ASAP1: variants seen among roughly 807,000 people sequenced by gnomAD.
The protein encoded by ASAP1 is arf-GAP with SH3 domain, ANK repeat and PH domain-containing protein 1.
In ASAP1, 43 loss-of-function variants were observed where a neutral mutation model predicts 145.2. The observed-to-expected ratio is 0.30, with a 90% CI of 0.23 to 0.38. The LOEUF is 0.38. Among genes scored for constraint, ASAP1 ranks in the 10% least tolerant of loss-of-function variants. ASAP1 has a pLI of 1.00. For missense variants in ASAP1, 1,018 were observed against 1,355.3 expected (o/e 0.75, Z 3.91); for synonymous variants, 546 against 515.5 (o/e 1.06, Z -0.80).
chr8:130,173,534 G>A (rs146102405), intron 9 of ASAP1, among the ~76,000 whole-genome samples: 1 of 152,274 alleles, frequency 6.6e-6, no homozygotes, highest in African/African-American at 2.4e-5. Context: ...GGGGGGCCAA[G>A]GCAGGACGAT....
At chr8:130,395,543 G>A (rs1024414593) in intron 2 of ASAP1, among the ~76,000 whole-genome samples, 3 of 152,190 alleles carry the variant, frequency 2.0e-5, no homozygotes, top group Admixed American at 1.3e-4. Context: ...GAACATCAAC[G>A]ACTGCTGGTG....
At chr8:130,261,100 G>C (rs1819869772) in intron 3 of ASAP1, among the ~76,000 whole-genome samples, 1 of 152,166 alleles carries the variant, frequency 6.6e-6, no homozygotes, top group South Asian at 2.1e-4. Context: ...AGCCATGCCA[G>C]TGAGACTGTG....
chr8:130,340,514 G>GT (rs1474180395), intron 3 of ASAP1, among the ~76,000 whole-genome samples: 1 of 152,180 alleles, frequency 6.6e-6, no homozygotes, highest in African/African-American at 2.4e-5. Flanking sequence ...TATCTGATTA[G>GT]TAAGTATTCA....
intron 3 of ASAP1, among the ~76,000 whole-genome samples, chr8:130,297,463 A>G (rs542700914): frequency 3.3e-4 from 50 of 152,318 alleles, no homozygotes; most frequent in Admixed American, 2.0e-3. Context: ...GACTGCTCCT[A>G]TTTCACTGAT....
At chr8:130,290,140 T>C (rs909637739) in intron 3 of ASAP1, among the ~76,000 whole-genome samples, 1 of 152,176 alleles carries the variant, frequency 6.6e-6, no homozygotes, top group African/African-American at 2.4e-5. Context: ...CATAAATATC[T>C]GCAGAATGAA....
Position 130,072,825 on chromosome 8 carries a change from G to GTGCGTGTGCGCGCACGCGCGCA in ASAP1, c.2701+3522_2701+3523insTGCGCGCGTGCGCGCACACGCA. ...TGTGTGTGTGTGTGTGTGTGTGTGT[G>GTGCGTGTGCGCGCACGCGCGCA]CGCGCGGGGGGGGGCAGTTTTGGGG... On this transcript the variant is annotated intron_variant, in intron 27 of 29. Transcript: ENST00000518721. 1.7e-4 allele frequency among the ~76,000 whole-genome samples: 9 copies of GTGCGTGTGCGCGCACGCGCGCA among 54,098 alleles called. 1 individual carries two copies. The highest frequency in any genetic ancestry group is 2.9e-4 in the Non-Finnish European group (8 of 27,564). 35.5% of individuals were successfully genotyped at this position (54,098 alleles called of 152,430 possible). A position where few individuals can be genotyped will look rare whatever the true frequency, so the allele number is the denominator to read the frequency against.
chr8:130,369,402 GT>G (rs2138269199), intron 2 of ASAP1, among the ~76,000 whole-genome samples: 1 of 152,318 alleles, frequency 6.6e-6, no homozygotes, highest in South Asian at 2.1e-4. Context: ...AGCATCTCAT[GT>G]TGGCATTCAA....
rs1265358269 is a variant in ASAP1 at position 130,052,890 on chromosome 8, T to C, written c.*1841A>G. 1 of 152,168 alleles carries C rather than the reference T, an allele frequency of 6.6e-6. No individual in the cohort carries two copies. Among genetic ancestry groups the C allele is most frequent in the African/African-American group, 2.4e-5 (1 of 41,444 alleles). The allele number at this position is 152,168 out of a possible 1,614,324, so 9.4% of individuals were successfully genotyped here. ...CAGATGCAGACTTCCATCCGGACACTGGTGTGGCTTCAGTACCGAGGCTGC... is the reference window on the plus strand; with the variant it reads ...CAGATGCAGACTTCCATCCGGACACCGGTGTGGCTTCAGTACCGAGGCTGC... On this transcript the variant is annotated 3_prime_UTR_variant, in exon 30 of 30. Transcript: ENST00000518721.
At chr8:130,061,860 A>G (rs1018518870) in intron 27 of ASAP1, among the ~76,000 whole-genome samples, 2 of 152,192 alleles carry the variant, frequency 1.3e-5, no homozygotes, top group Non-Finnish European at 2.9e-5. Context: ...TTGTTGACCC[A>G]TTTCCATAGC....
chr8:130,352,299 C>A (rs1455530428), intron 3 of ASAP1, among the ~76,000 whole-genome samples: 1 of 150,422 alleles, frequency 6.6e-6, no homozygotes, highest in Non-Finnish European at 1.5e-5. Context: ...TAAAGAAGCA[C>A]TTCCTATTAA....
chr8:130,348,822 C>A (rs546261060), intron 3 of ASAP1, among the ~76,000 whole-genome samples: 5 of 152,178 alleles, frequency 3.3e-5, no homozygotes, highest in Non-Finnish European at 7.3e-5. Flanking sequence ...AGGGCCAAGG[C>A]ATAAATGTTT....
rs533907116 is a variant in ASAP1 at position 130,070,208 on chromosome 8, T to C, written c.2701+6140A>G. On this transcript the variant is annotated intron_variant, in intron 27 of 29. Coordinates refer to ENST00000518721, the MANE Select transcript of ASAP1 (RefSeq NM_018482.4). ...CCCGTCACCATGCCCGGCTAATTTT[T>C]TCTATTTTTTAGTAGAGACGGGGTT... is the stretch of plus-strand genomic sequence containing the variant. Among the ~76,000 whole-genome samples the C allele has an allele frequency of 3.9e-5, 6 of 152,270 alleles. No homozygotes were observed. In the East Asian group the frequency reaches 7.7e-4, roughly 20 times the overall value.
At chr8:130,354,807 C>T (rs1158687787) in intron 3 of ASAP1, among the ~76,000 whole-genome samples, 5 of 152,186 alleles carry the variant, frequency 3.3e-5, no homozygotes, top group African/African-American at 4.8e-5. Context: ...CCAGCCAAAC[C>T]GTGAACCCCT....
Position 130,099,649 on chromosome 8 carries a change from T to C in ASAP1, c.2402-7506A>G, listed in dbSNP as rs547256612. Reference sequence around the variant, plus strand: ...CTTAAAATAATGTCCTTCAGGGTCATACATGTTGTAGCACATGAAAGGATT... The same window carrying C: ...CTTAAAATAATGTCCTTCAGGGTCACACATGTTGTAGCACATGAAAGGATT... On this transcript the variant is annotated intron_variant, in intron 24 of 29. Transcript: ENST00000518721. Among the ~76,000 whole-genome samples, 4 of 151,656 alleles carry C rather than the reference T, an allele frequency of 2.6e-5. No homozygotes were observed. The South Asian group carries it at 8.3e-4, about 32-fold the overall frequency.
At chr8:130,132,687 G>A (rs1259210180) in intron 15 of ASAP1, among the ~76,000 whole-genome samples, 6 of 152,182 alleles carry the variant, frequency 3.9e-5, no homozygotes, top group Admixed American at 3.9e-4. Flanking sequence ...CAGGGCAGGG[G>A]CTCCATCTAA....
intron 2 of ASAP1, among the ~76,000 whole-genome samples, chr8:130,400,785 C>T (rs962935024): frequency 8.8e-5 from 11 of 125,634 alleles, no homozygotes; most frequent in African/African-American, 2.4e-4. Flanking sequence ...AGCCAGACTC[C>T]GTCTCAAAAA....
At chr8:130,417,922 C>A (rs1489892819) in intron 1 of ASAP1, among the ~76,000 whole-genome samples, 3 of 152,212 alleles carry the variant, frequency 2.0e-5, no homozygotes, top group African/African-American at 7.2e-5. Context: ...GACTGTTCAT[C>A]CATCCTTGAA....
chr8:130,082,711 C>T (rs554287880), intron 25 of ASAP1: 1,216 of 117,506 alleles, frequency 0.01, 16 homozygotes, highest in African/African-American at 0.038. Context: ...GGTCTCATTA[C>T]TAATTTTTTT....
chr8:130,064,088 G>T (rs1450069971), intron 27 of ASAP1, among the ~76,000 whole-genome samples: 1 of 152,162 alleles, frequency 6.6e-6, no homozygotes, highest in Admixed American at 6.5e-5. Flanking sequence ...TATCTGGTGG[G>T]GGTTGCGAGA....
Sources: allele counts gnomAD v4.1 joint callset (sites outside exome capture counted in the v4.1 genomes callset), GRCh38; gene constraint gnomAD v4.1.1; transcripts MANE v1.5; gene names NCBI Gene and HGNC (gene_info 2026-07-23, HGNC 2026-07-21).